ATXN1: variants seen among roughly 807,000 people sequenced by gnomAD.
ATXN1 encodes ataxin 1, also known as ataxin-1.
In ATXN1, 8 loss-of-function variants were observed where a neutral mutation model predicts 56.4. The ratio of observed to expected loss-of-function variants is 0.14; its 90% confidence interval spans 0.08 to 0.26. The LOEUF is 0.26. Among genes scored for constraint, ATXN1 ranks in the 10% least tolerant of loss-of-function variants. ATXN1 has a pLI of 1.00. For missense variants in ATXN1, 987 were observed against 1,106.5 expected (o/e 0.89, Z 1.53); for synonymous variants, 514 against 494.6 (o/e 1.04, Z -0.52).
At chr6:16,421,670 T>C (rs1759035796) in intron 6 of ATXN1, among the ~76,000 whole-genome samples, 1 of 150,268 alleles carries the variant, frequency 6.7e-6, no homozygotes, top group Non-Finnish European at 1.5e-5. Flanking sequence ...GGGGCGTGAG[T>C]GTGCATGCAT....
chr6:16,640,107 C>T (rs893508104), intron 3 of ATXN1, among the ~76,000 whole-genome samples: 3 of 152,094 alleles, frequency 2.0e-5, no homozygotes, highest in Admixed American at 1.3e-4. Context: ...CCGTGTCAAG[C>T]AACTCCACCA....
intron 2 of ATXN1, among the ~76,000 whole-genome samples, chr6:16,673,418 C>T (rs1241393020): frequency 3.3e-5 from 5 of 152,146 alleles, no homozygotes; most frequent in Non-Finnish European, 7.4e-5. Flanking sequence ...CTCTTTTCTC[C>T]GTTTCCTTCC....
At chr6:16,432,770 A>G (rs1052486898) in intron 6 of ATXN1, 1 of 152,048 alleles carries the variant, frequency 6.6e-6, no homozygotes, top group Non-Finnish European at 1.5e-5. Context: ...TAAACTATGA[A>G]GGGCTTGAAC....
intron 6 of ATXN1, among the ~76,000 whole-genome samples, chr6:16,340,302 C>T (rs1295189424): frequency 6.6e-6 from 1 of 152,154 alleles, no homozygotes; most frequent in Non-Finnish European, 1.5e-5. Context: ...TCCAGGAGGG[C>T]CTAGGGACTA....
intron 6 of ATXN1, among the ~76,000 whole-genome samples, chr6:16,391,245 G>A (rs1758349945): frequency 6.8e-6 from 1 of 146,594 alleles, no homozygotes. Context: ...TATATTTATA[G>A]ATTACTATTT....
chr6:16,743,051 C>A (rs941918256), intron 2 of ATXN1, among the ~76,000 whole-genome samples: 2 of 152,206 alleles, frequency 1.3e-5, no homozygotes, highest in African/African-American at 4.8e-5. Flanking sequence ...ACCTCAAATT[C>A]ATTTATTCAT....
rs546026014 is a variant in ATXN1, at chr6:16,616,003, C to G, written c.-488-30096G>C. 11 of 151,920 alleles carry G rather than the reference C, an allele frequency of 7.2e-5. No homozygotes were observed. The East Asian group carries it at 2.1e-3, about 30-fold the overall frequency. 9.4% of individuals were successfully genotyped at this position (151,920 alleles called of 1,614,324 possible). ...AGCCAAGATCGTGCGCCACTGCACTCCAGCCTGGGTGACAGAGCAAGACTC... is the reference window on the plus strand; with the variant it reads ...AGCCAAGATCGTGCGCCACTGCACTGCAGCCTGGGTGACAGAGCAAGACTC... On this transcript the variant is annotated intron_variant, in intron 3 of 7. Transcript: ENST00000436367.
chr6:16,416,020 A>G (rs1445982668), intron 6 of ATXN1, among the ~76,000 whole-genome samples: 4 of 151,890 alleles, frequency 2.6e-5, no homozygotes, highest in African/African-American at 4.8e-5. Flanking sequence ...GCCAGTACAT[A>G]TAAGTCAATA....
intron 6 of ATXN1, among the ~76,000 whole-genome samples, chr6:16,348,346 T>C (rs1445750511): frequency 3.3e-5 from 5 of 152,170 alleles, no homozygotes; most frequent in Admixed American, 6.5e-5. Context: ...ATTACAGATA[T>C]GAGCCACAGC....
chr6:16,380,249 G>C (rs953819897), intron 6 of ATXN1, among the ~76,000 whole-genome samples: 1 of 152,214 alleles, frequency 6.6e-6, no homozygotes, highest in African/African-American at 2.4e-5. Context: ...CCACGGAACA[G>C]AGACTCTCCT....
intron 3 of ATXN1, among the ~76,000 whole-genome samples, chr6:16,617,025 C>T (rs770547280): frequency 1.3e-5 from 2 of 151,848 alleles, no homozygotes; most frequent in African/African-American, 2.4e-5. Flanking sequence ...ATGGTGTGTA[C>T]GTACAGGAAA....
rs1761316710 is a variant in ATXN1 at position 16,522,693 on chromosome 6, A to G, written c.-360-5T>C. ...TGGTCTAATTTCTTTGGAAAACTGGAATAGAAAAAAAGATTTTTTAAAAAA... is the reference window on the plus strand; with the variant it reads ...TGGTCTAATTTCTTTGGAAAACTGGGATAGAAAAAAAGATTTTTTAAAAAA... On this transcript the variant is annotated splice_polypyrimidine_tract_variant and splice_region_variant and intron_variant, in intron 4 of 7. Coordinates refer to ENST00000436367, the MANE Select transcript of ATXN1 (RefSeq NM_001128164.2). 6.6e-6 allele frequency: 1 copy of G among 152,192 alleles called. No individual in the cohort carries two copies. The highest frequency in any genetic ancestry group is 6.5e-5 in the Admixed American group (1 of 15,286). The allele number at this position is 152,192 out of a possible 1,614,324, so 9.4% of individuals were successfully genotyped here.
chr6:16,401,971 C>A (rs886281206), intron 6 of ATXN1, among the ~76,000 whole-genome samples: 10 of 152,166 alleles, frequency 6.6e-5, no homozygotes, highest in Non-Finnish European at 1.2e-4. Flanking sequence ...AGGAGCAAGT[C>A]ACATCTTACA....
chr6:16,452,270 A>G (rs1260536656), intron 6 of ATXN1, among the ~76,000 whole-genome samples: 3 of 152,212 alleles, frequency 2.0e-5, no homozygotes, highest in African/African-American at 4.8e-5. Context: ...CTGGCATTCA[A>G]TAAATATTTA....
At chr6:16,557,177 A>G (rs1165544542) in intron 4 of ATXN1, among the ~76,000 whole-genome samples, 2 of 152,090 alleles carry the variant, frequency 1.3e-5, no homozygotes, top group African/African-American at 2.4e-5. Flanking sequence ...ATACAAAAAA[A>G]TTAGCCAGGT....
chr6:16,656,981 CTTTTT>C (rs869034865), intron 3 of ATXN1, among the ~76,000 whole-genome samples: 1 of 120,392 alleles, frequency 8.3e-6, no homozygotes. Context: ...GTATTATAAT[CTTTTT>C]TTTTTTTTTT....
At chr6:16,743,025 G>C (rs1760395593) in intron 2 of ATXN1, among the ~76,000 whole-genome samples, 1 of 152,222 alleles carries the variant, frequency 6.6e-6, no homozygotes, top group Non-Finnish European at 1.5e-5. Flanking sequence ...TCAGAAAACA[G>C]ATGTTAAGAA....
chr6:16,742,986 C>T (rs751477072), intron 2 of ATXN1, among the ~76,000 whole-genome samples: 6 of 152,156 alleles, frequency 3.9e-5, no homozygotes, highest in Non-Finnish European at 5.9e-5. Context: ...AGTATGACCA[C>T]GAGAGCACTT....
intron 2 of ATXN1, among the ~76,000 whole-genome samples, chr6:16,717,405 A>C (rs906337170): frequency 4.6e-5 from 7 of 152,220 alleles, no homozygotes; most frequent in Non-Finnish European, 7.3e-5. Context: ...CTTAACAGTC[A>C]ACTCATCCCA....
Sources: allele counts gnomAD v4.1 joint callset (sites outside exome capture counted in the v4.1 genomes callset), GRCh38; gene constraint gnomAD v4.1.1; transcripts MANE v1.5; gene names NCBI Gene and HGNC (gene_info 2026-07-23, HGNC 2026-07-21).